Variants in SYT16 observed in about 807,000 individuals in gnomAD.
The protein encoded by SYT16 is synaptotagmin 16, also known as synaptotagmin-16.
Under a neutral mutation model 61.4 loss-of-function variants are expected in SYT16, and 42 were observed. That is an observed-to-expected ratio of 0.68 (90% confidence interval 0.53 to 0.89). SYT16 has a LOEUF of 0.89. Among genes scored for constraint, SYT16 ranks in the 40% least tolerant of loss-of-function variants. The pLI is 0.00. For synonymous variants in SYT16, 314 were observed against 302.3 expected (o/e 1.04, Z -0.40); for missense variants, 804 against 807.3 (o/e 1.00, Z 0.05).
intron 3 of SYT16, among the ~76,000 whole-genome samples, chr14:62,039,486 G>T (rs769292560): frequency 1.3e-5 from 2 of 152,064 alleles, no homozygotes; most frequent in Non-Finnish European, 2.9e-5. Flanking sequence ...GTGTGAGGAC[G>T]CAAGGACATG....
At chr14:62,069,136 T>G (rs1173969323) in intron 3 of SYT16, among the ~76,000 whole-genome samples, 8 of 152,160 alleles carry the variant, frequency 5.3e-5, no homozygotes, top group African/African-American at 1.9e-4. Context: ...GAAAATAAAA[T>G]CGTGTTGTAG....
chr14:61,881,718 T>C (rs1250286555), intron 1 of SYT16, among the ~76,000 whole-genome samples: 7 of 152,204 alleles, frequency 4.6e-5, no homozygotes, highest in African/African-American at 1.7e-4. Flanking sequence ...TTGCCTGGGC[T>C]TTAGGGGTGA....
intron 3 of SYT16, among the ~76,000 whole-genome samples, chr14:62,067,203 A>T (rs955584285): frequency 1.3e-5 from 2 of 152,230 alleles, no homozygotes; most frequent in African/African-American, 4.8e-5. Flanking sequence ...ACAAGTATTT[A>T]TGAACTACTT....
At chr14:62,053,842 A>G (rs547239626) in intron 3 of SYT16, among the ~76,000 whole-genome samples, 4 of 152,358 alleles carry the variant, frequency 2.6e-5, no homozygotes, top group African/African-American at 4.8e-5. Flanking sequence ...TTTTTGTTCA[A>G]TGGTGCCAGG....
chr14:62,083,153 G>GT (rs1223537244), intron 6 of SYT16, among the ~76,000 whole-genome samples: 5 of 62,034 alleles, frequency 8.1e-5, no homozygotes, highest in African/African-American at 1.2e-4. Flanking sequence ...CTCAGGTTAG[G>GT]TGGGGGGCGC....
At chr14:61,945,672 A>G (rs945721180) in intron 1 of SYT16, among the ~76,000 whole-genome samples, 38 of 151,582 alleles carry the variant, frequency 2.5e-4, no homozygotes, top group Non-Finnish European at 4.0e-4. Flanking sequence ...TGGCTAACAC[A>G]GTGAAACCCC....
intron 1 of SYT16, among the ~76,000 whole-genome samples, chr14:61,934,067 G>A (rs1436772035): frequency 6.6e-6 from 1 of 152,042 alleles, no homozygotes; most frequent in African/African-American, 2.4e-5. Context: ...TGGAAATAAA[G>A]ATTTTGCTGC....
In SYT16 at chr14:62,011,867, CTA is replaced by C. The variant is rs66974255; in HGVS notation, c.523+15332_523+15333del. ...CATGTCTACCACAAGTCAGGGAACA[CTA>C]TATATACACACACACACACACACAC... On this transcript the variant is annotated intron_variant, in intron 3 of 7. Transcript: ENST00000683842. Among the ~76,000 whole-genome samples the C allele has an allele frequency of 6.8e-3, 417 of 61,580 alleles. 6 individuals carry two copies. Among genetic ancestry groups the C allele is most frequent in the Admixed American group, 0.013 (67 of 5,154 alleles). 40.4% of individuals were successfully genotyped at this position (61,580 alleles called of 152,430 possible).
chr14:61,909,694 TG>T (rs2048854320), intron 1 of SYT16, among the ~76,000 whole-genome samples: 2 of 152,214 alleles, frequency 1.3e-5, no homozygotes, highest in South Asian at 2.1e-4. Context: ...GATATCTTTC[TG>T]GGTCCACCAT....
intron 1 of SYT16, among the ~76,000 whole-genome samples, chr14:61,897,942 A>G (rs149524754): frequency 6.6e-6 from 1 of 152,276 alleles, no homozygotes; most frequent in African/African-American, 2.4e-5. Context: ...CACTTGCTGC[A>G]CACGTGGTTC....
intron 2 of SYT16, among the ~76,000 whole-genome samples, chr14:61,994,825 A>C (rs368498904): frequency 6.6e-6 from 1 of 152,202 alleles, no homozygotes; most frequent in African/African-American, 2.4e-5. Context: ...GAATAAGTCA[A>C]TGCATCCATG....
intron 3 of SYT16, among the ~76,000 whole-genome samples, chr14:62,046,591 A>G (rs2054997801): frequency 6.6e-6 from 1 of 152,232 alleles, no homozygotes; most frequent in Non-Finnish European, 1.5e-5. Flanking sequence ...TTTTAGGTCT[A>G]ACATTTAAGT....
chr14:62,096,893 T>A (rs903366711), intron 7 of SYT16, among the ~76,000 whole-genome samples: 1 of 152,204 alleles, frequency 6.6e-6, no homozygotes, highest in Non-Finnish European at 1.5e-5. Context: ...GTGATTTTTT[T>A]ATTTTCATAT....
At chr14:61,952,271 T>C in intron 1 of SYT16, among the ~76,000 whole-genome samples, 1 of 152,104 alleles carries the variant, frequency 6.6e-6, no homozygotes, top group East Asian at 1.9e-4. Flanking sequence ...ACAAATCACC[T>C]TTTGCTGGTT....
chr14:61,917,915 C>A (rs755128374), intron 1 of SYT16, among the ~76,000 whole-genome samples: 1 of 152,112 alleles, frequency 6.6e-6, no homozygotes. Flanking sequence ...TACACATAAT[C>A]TGAAGGTAGT....
chr14:62,100,522 C>G lies in SYT16; in HGVS notation c.1753C>G (p.Gln585Glu). The change falls in exon 8 of 8, where the codon CAG (glutamine) becomes GAG (glutamate). Residue 585 changes from glutamine to glutamate, a missense_variant. Gln to Glu is a conservative substitution (Grantham distance 29, BLOSUM62 2). Coordinates refer to ENST00000683842, the MANE Select transcript of SYT16 (RefSeq NM_001367656.1). ...ETFVFQVALF[Q>E]LSDVTLMISV... ...CTTTGTTTTCCAGGTGGCCCTCTTT[C>G]AGCTGTCTGATGTCACGTTGATGAT... is the stretch of plus-strand genomic sequence containing the variant. 1 of 1,613,834 alleles carries G rather than the reference C, an allele frequency of 6.2e-7. No homozygotes were observed. The highest frequency in any genetic ancestry group is 8.5e-7 in the Non-Finnish European group (1 of 1,179,840).
chr14:62,110,684 A>G lies in SYT16; in HGVS notation c.*9977A>G, dbSNP rs1051832087. 1.2e-4 allele frequency: 18 copies of G among 151,974 alleles called. No individual in the cohort carries two copies. The highest frequency in any genetic ancestry group is 4.1e-4 in the African/African-American group (17 of 41,410). 9.4% of individuals were successfully genotyped at this position (151,974 alleles called of 1,614,324 possible). A position where few individuals can be genotyped will look rare whatever the true frequency, so the allele number is the denominator to read the frequency against. ...GGTTCTAATTTTTTTTTGTTCAAAC[A>G]CTGATCATGTAACAAACTGCAAATC... On this transcript the variant is annotated 3_prime_UTR_variant, in exon 8 of 8. Coordinates refer to ENST00000683842, the MANE Select transcript of SYT16 (RefSeq NM_001367656.1).
chr14:61,936,601 A>G (rs1369017651), intron 1 of SYT16, among the ~76,000 whole-genome samples: 6 of 152,146 alleles, frequency 3.9e-5, no homozygotes, highest in Non-Finnish European at 7.4e-5. Context: ...TTAGAATGTA[A>G]TGATGTTGCT....
chr14:62,037,526 A>G (rs1225033807), intron 3 of SYT16, among the ~76,000 whole-genome samples: 5 of 152,140 alleles, frequency 3.3e-5, no homozygotes, highest in Admixed American at 3.3e-4. Context: ...ACCATCTAAA[A>G]CTGGAATGTT....
Sources: allele counts gnomAD v4.1 joint callset (sites outside exome capture counted in the v4.1 genomes callset), GRCh38; gene constraint gnomAD v4.1.1; transcripts MANE v1.5; gene names NCBI Gene and HGNC (gene_info 2026-07-23, HGNC 2026-07-21).